Variants in TUT7 observed in about 807,000 individuals in gnomAD.
TUT7 encodes terminal uridylyl transferase 7, also known as terminal uridylyltransferase 7.
Under a neutral mutation model 165.9 loss-of-function variants are expected in TUT7, and 33 were observed. The ratio of observed to expected loss-of-function variants is 0.20; its 90% CI spans 0.15 to 0.27. TUT7 has a LOEUF of 0.27. TUT7 is among the 10% of genes least tolerant of loss of function. TUT7 has a pLI of 1.00. For missense variants in TUT7, 1,338 were observed against 1,762.3 expected, an observed-to-expected ratio of 0.76 and a Z score of 4.31; for synonymous variants, 552 against 608.1, an observed-to-expected ratio of 0.91 and a Z score of 1.36.
chr9:86,346,645 T>C (rs1240733707), intron 2 of TUT7, among the ~76,000 whole-genome samples, 165 bp from the exon 3 acceptor site: 1 of 152,214 alleles, frequency 6.6e-6, no homozygotes, highest in African/African-American at 2.4e-5. Flanking sequence ...TAATACTGTA[T>C]TCAGTGAGCA....
chr9:86,346,802 C>G (rs1366306684), intron 2 of TUT7, among the ~76,000 whole-genome samples: 1 of 152,068 alleles, frequency 6.6e-6, no homozygotes, highest in Non-Finnish European at 1.5e-5. Flanking sequence ...ACTCTGAAGG[C>G]AAGTATATCT....
chr9:86,322,252 A>G (rs1413724732), intron 14 of TUT7, 73 bp downstream of exon 14: 1 of 1,405,790 alleles, frequency 7.1e-7, no homozygotes, highest in Non-Finnish European at 9.9e-7. Flanking sequence ...CCTAAATAGG[A>G]TAGTGATTCT....
At chr9:86,292,604 T>C (rs1009384930) in intron 26 of TUT7, among the ~76,000 whole-genome samples, 1 of 149,154 alleles carries the variant, frequency 6.7e-6, no homozygotes, top group Non-Finnish European at 1.5e-5. Flanking sequence ...ACAGGTCTTT[T>C]ATTAAAAAAA....
At chr9:86,321,391 T>G (rs913930056) in intron 14 of TUT7, among the ~76,000 whole-genome samples, 12 of 151,056 alleles carry the variant, frequency 7.9e-5, no homozygotes, top group Non-Finnish European at 1.5e-4. Context: ...GGCAGAGTAA[T>G]GGAAAATTTA....
At position 86,338,867 on chromosome 9, in the gene TUT7, G is replaced by A; in HGVS notation, c.1291C>T (p.Pro431Ser). The A allele has an allele frequency of 6.2e-7, 1 of 1,611,374 alleles. No homozygotes were observed. The highest frequency in any genetic ancestry group is 8.5e-7 in the Non-Finnish European group (1 of 1,178,808). ...GCAATCACCAAAGGAACCAGCTTTG[G>A]TTCTAGTTTTCCAAGGGCAGTTAAA... ...KHLTALGKLE[P>S]KLVPLVIAFR... The change falls in exon 9 of 27, where the codon CCA becomes TCA. Residue 431 changes from proline to serine, a missense_variant. This residue lies in a region of TUT7 where 74 missense variants were observed against 128.5 expected (regional missense o/e 0.58). Coordinates refer to ENST00000375963, the MANE Select transcript of TUT7 (RefSeq NM_024617.4).
intron 5 of TUT7, among the ~76,000 whole-genome samples, chr9:86,343,926 T>C (rs1456938712): frequency 2.0e-5 from 3 of 152,188 alleles, no homozygotes; most frequent in Admixed American, 2.0e-4. Flanking sequence ...AAAATTCAAG[T>C]GATTTCTTTG....
chr9:86,329,442 G>C (rs1283241388), intron 10 of TUT7, among the ~76,000 whole-genome samples: 1 of 151,762 alleles, frequency 6.6e-6, no homozygotes, highest in Non-Finnish European at 1.5e-5. Flanking sequence ...AGAATTGTTT[G>C]ACCCTGGGAG....
intron 10 of TUT7, among the ~76,000 whole-genome samples, chr9:86,333,516 G>T (rs1204403474): frequency 6.6e-6 from 1 of 152,074 alleles, no homozygotes; most frequent in African/African-American, 2.4e-5. Context: ...TGAGCCCAAA[G>T]GCATTGTTCA....
intron 26 of TUT7, among the ~76,000 whole-genome samples, chr9:86,293,146 A>G (rs919778057): frequency 8.5e-5 from 13 of 152,182 alleles, no homozygotes; most frequent in Non-Finnish European, 1.9e-4. Context: ...GCAAACACAT[A>G]TAAGTGAGGT....
At chr9:86,344,421 GC>G (rs767197963) in intron 5 of TUT7, among the ~76,000 whole-genome samples, 11 of 152,098 alleles carry the variant, frequency 7.2e-5, no homozygotes, top group Admixed American at 2.0e-4. Flanking sequence ...AAATAGTTGT[GC>G]CCCCTCCCCA....
intron 26 of TUT7, among the ~76,000 whole-genome samples, chr9:86,296,249 CAGAG>C (rs950874148): frequency 4.6e-5 from 7 of 152,200 alleles, no homozygotes; most frequent in Non-Finnish European, 5.9e-5. Flanking sequence ...AACTGAGGCA[CAGAG>C]AGGTTGCATA....
intron 17 of TUT7, among the ~76,000 whole-genome samples, chr9:86,314,539 A>C (rs1382232464): frequency 6.6e-6 from 1 of 152,204 alleles, no homozygotes; most frequent in Non-Finnish European, 1.5e-5. Context: ...CCTGGTTCTC[A>C]AATAACCCAG....
In TUT7 at chr9:86,352,969, A is replaced by G. The variant is rs1832426705; in HGVS notation, c.231T>C (p.Tyr77=). 3 of 1,614,066 alleles carry G rather than the reference A, an allele frequency of 1.9e-6. No individual in the cohort carries two copies. Among genetic ancestry groups the G allele is most frequent in the Non-Finnish European group, 2.5e-6 (3 of 1,180,034 alleles). Residue 77 remains tyrosine, a synonymous_variant, in exon 2 of 27, where the codon TAT becomes TAC. Transcript: ENST00000375963. The part of the protein sequence containing the change: ...KGPCAVSSNP[Y]AFKNPIYSQP... ...GACTGTAGATTGGGTTTTTAAATGC[A>G]TATGGATTGCTGGAAACAGCACATG...
intron 18 of TUT7, 130 bp downstream of exon 18, chr9:86,310,576 A>C (rs1827956788): frequency 1.6e-6 from 1 of 613,354 alleles, no homozygotes; most frequent in Middle Eastern, 3.8e-4. Flanking sequence ...GTTCACAGCA[A>C]GTAAGCATAA....
intron 22 of TUT7, among the ~76,000 whole-genome samples, chr9:86,307,039 G>C (rs183292852): frequency 0.011 from 1,681 of 152,284 alleles, 10 homozygotes; most frequent in Non-Finnish European, 0.018. Flanking sequence ...GGAGGCTGAA[G>C]TGGGCCGGAT....
rs199687338 is a variant in TUT7, at chr9:86,352,752, T to A, written c.448A>T (p.Thr150Ser). 199 of 1,614,106 alleles carry A rather than the reference T, an allele frequency of 1.2e-4. No individual in the cohort carries two copies. The highest frequency in any genetic ancestry group is 3.3e-4 in the Middle Eastern group (2 of 6,084). ...YRWQDTRGCR[T>S]VRRLFHKDLT... ...TCTTTATGAAACAGTCGTCTTACAG[T>A]TCTGCAGCCTCTTGTGTCTTGCCAC... The change falls in exon 2 of 27, where the codon ACT becomes TCT. Residue 150 changes from threonine (T) to serine (S), a missense_variant. Thr to Ser is a moderately conservative substitution (Grantham distance 58). Transcript: ENST00000375963.
At chr9:86,349,049 C>T (rs1455582582) in intron 2 of TUT7, among the ~76,000 whole-genome samples, 1 of 152,048 alleles carries the variant, frequency 6.6e-6, no homozygotes, top group Non-Finnish European at 1.5e-5. Context: ...GAGGCCGAGG[C>T]AGGTGGATCA....
chr9:86,343,038 C>A, intron 6 of TUT7, 37 bp downstream of exon 6: 1 of 1,290,968 alleles, frequency 7.7e-7, no homozygotes, highest in East Asian at 2.4e-5. Flanking sequence ...AATTTCCATA[C>A]CACTCTGAAA....
Position 86,340,062 on chromosome 9 carries a change from T to C in TUT7, c.1182A>G (p.Pro394=). The change falls in exon 8 of 27, where the codon CCA becomes CCG. Residue 394 remains proline (P), a synonymous_variant. Transcript: ENST00000375963. ...TTTGCTTTTCTCTGCACACCACCACTGGCACCCTAGCATGGAAGTCTGCAT... is the reference window on the plus strand; with the variant it reads ...TTTGCTTTTCTCTGCACACCACCACCGGCACCCTAGCATGGAAGTCTGCAT... ...DVDADFHARV[P]VVVCREKQSG... The C allele has an allele frequency of 6.2e-7, 1 of 1,613,932 alleles. No individual in the cohort carries two copies. The highest frequency in any genetic ancestry group is 8.5e-7 in the Non-Finnish European group (1 of 1,179,878).
Sources: gnomAD v4.1 joint callset for allele counts (sites outside exome capture counted in the v4.1 genomes callset) on GRCh38, gnomAD v4.1.1 for gene constraint, gnomAD v4.1.1 regional missense constraint, MANE v1.5 for transcripts, NCBI Gene and HGNC (gene_info 2026-07-23, HGNC 2026-07-21) for gene names.